AMOTL2: variants seen among roughly 807,000 people sequenced by gnomAD.
AMOTL2 encodes the protein angiomotin like 2, also known as angiomotin-like protein 2.
In AMOTL2, 33 loss-of-function variants were observed where a neutral mutation model predicts 78.4. The observed-to-expected ratio is 0.42, with a 90% CI of 0.32 to 0.56. The LOEUF (loss-of-function observed/expected upper bound fraction) is 0.56, where lower values mean the gene tolerates loss of function less well. Ranked by LOEUF, AMOTL2 falls within the 20% of genes least tolerant of loss-of-function variation. The pLI is 0.12. For missense variants in AMOTL2, 983 were observed against 1,030.1 expected (o/e 0.95, Z 0.63); for synonymous variants, 422 against 428.8 (o/e 0.98, Z 0.20).
rs1381186319 is a variant in AMOTL2, at chr3:134,357,619, G to T, written c.*86C>A. 3.0e-6 allele frequency: 4 copies of T among 1,344,192 alleles called. No homozygotes were observed. The highest frequency in any genetic ancestry group is 1.9e-4 in the Middle Eastern group (1 of 5,382). The allele number at this position is 1,344,192 out of a possible 1,614,324, so 83.3% of individuals were successfully genotyped here. On this transcript the variant is annotated 3_prime_UTR_variant, in exon 10 of 10. Transcript: ENST00000249883. Reference sequence around the variant, plus strand: ...TGGCTGGGGAAAGGGACGGAGCAGCGGTTGACGGGGCTGCTGAAATGGCTG... The same window carrying T: ...TGGCTGGGGAAAGGGACGGAGCAGCTGTTGACGGGGCTGCTGAAATGGCTG...
rs982669650 is a variant in AMOTL2, at chr3:134,355,697, T to C, written c.*2008A>G. ...CCCAGCCTTCAAGAAATGTTATCTA[T>C]GAAAGGGGAAAAATGCCAGCCACAT... On this transcript the variant is annotated 3_prime_UTR_variant, in exon 10 of 10. Transcript: ENST00000249883. Among the ~76,000 whole-genome samples the C allele has an allele frequency of 6.6e-6, 1 of 152,186 alleles. No individual in the cohort carries two copies.
At chr3:134,358,470 T>C (rs969833957) in intron 9 of AMOTL2, 70 bp downstream of exon 9, 2 of 1,523,452 alleles carry the variant, frequency 1.3e-6, no homozygotes, top group African/African-American at 1.4e-5. Context: ...GAAAAGGCCT[T>C]GTGTTCCAGT....
At chr3:134,367,333 A>G (rs2017652602) in intron 3 of AMOTL2, among the ~76,000 whole-genome samples, 164 bp downstream of exon 3, 1 of 152,196 alleles carries the variant, frequency 6.6e-6, no homozygotes, top group Non-Finnish European at 1.5e-5. Flanking sequence ...GAGTCAGCTC[A>G]GGAGGGTGCA....
intron 5 of AMOTL2, 143 bp from the exon 6 acceptor site, chr3:134,361,950 C>T (rs1395633694): frequency 2.6e-6 from 2 of 771,122 alleles, no homozygotes; most frequent in Admixed American, 5.9e-5. Context: ...CACTATTAAC[C>T]CTGTTTCATG....
At chr3:134,373,173 G>A (rs750900934) in intron 1 of AMOTL2, among the ~76,000 whole-genome samples, 1 of 152,098 alleles carries the variant, frequency 6.6e-6, no homozygotes, top group Non-Finnish European at 1.5e-5. Flanking sequence ...ACAACGAGGG[G>A]TAGATGTGCA....
At position 134,361,612 on chromosome 3, in the gene AMOTL2, G is replaced by A. The variant is rs764237309; in HGVS notation, c.1475C>T (p.Ala492Val). Reference protein sequence around the residue: ...YVEKVERLQQALGQLQAACEK... With the variant: ...YVEKVERLQQVLGQLQAACEK... ...ACAGGCTGCCTGCAGCTGCCCGAGC[G>A]CCTGCTGCAGCCGCTCCACTTTCTC... Residue 492 changes from alanine (A) to valine (V), a missense_variant, in exon 6 of 10, where the codon GCG (alanine) becomes GTG (valine). Coordinates refer to ENST00000249883, the MANE Select transcript of AMOTL2 (RefSeq NM_016201.4). 68 of 1,612,676 alleles carry A rather than the reference G, an allele frequency of 4.2e-5. 1 individual carries two copies. Among genetic ancestry groups the A allele is most frequent in the Non-Finnish European group, 5.4e-5 (64 of 1,179,940 alleles).
At position 134,370,709 on chromosome 3, in the gene AMOTL2, G is replaced by T; in HGVS notation, c.725C>A (p.Ala242Asp). Reference protein sequence around the residue: ...RARGSPHFQHAEVRILQAQVP... With the variant: ...RARGSPHFQHDEVRILQAQVP... The stretch of plus-strand genomic sequence containing the variant: ...AGGTGGGGAGAGTTACCTGACTTCA[G>T]CATGCTGGAAGTGCGGGCTGCCGCG... Residue 242 changes from alanine to aspartate, a missense_variant, in exon 2 of 10, where the codon GCT becomes GAT. Transcript: ENST00000249883. 6.6e-7 allele frequency: 1 copy of T among 1,509,944 alleles called. No homozygotes were observed. Among genetic ancestry groups the T allele is most frequent in the Non-Finnish European group, 8.9e-7 (1 of 1,129,426 alleles). The allele number at this position is 1,509,944 out of a possible 1,614,324, so 93.5% of individuals were successfully genotyped here. A position where few individuals can be genotyped will look rare whatever the true frequency, so the allele number is the denominator to read the frequency against.
At chr3:134,374,928 CGT>C, upstream of AMOTL2, 4 of 990,632 alleles carry the variant, frequency 4.0e-6, no homozygotes, top group Non-Finnish European at 3.7e-6. Context: ...TGTGTGTGTG[CGT>C]GTGTGTGTAC....
intron 9 of AMOTL2, among the ~76,000 whole-genome samples, chr3:134,358,002 C>T (rs2017147614): frequency 6.6e-6 from 1 of 152,160 alleles, no homozygotes; most frequent in African/African-American, 2.4e-5. Flanking sequence ...GGTTGGAGGG[C>T]TTAGAGAGAG....
At chr3:134,358,485 A>AC (rs1386785645) in intron 9 of AMOTL2, 55 bp downstream of exon 9, 2 of 1,558,062 alleles carry the variant, frequency 1.3e-6, no homozygotes, top group Non-Finnish European at 1.7e-6. Flanking sequence ...TCCAGTTCAC[A>AC]CCCCAGTGCC....
chr3:134,371,166 T>C lies in AMOTL2; in HGVS notation c.268A>G (p.Thr90Ala). The C allele has an allele frequency of 1.2e-6, 2 of 1,613,616 alleles. No homozygotes were observed. The highest frequency in any genetic ancestry group is 1.7e-6 in the Non-Finnish European group (2 of 1,179,884). ...QGGENHLAEN[T>A]LYRLCPQPSK... is the part of the protein sequence containing the mutation. ...GGCTGTGGGCATAGCCGGTAGAGGG[T>C]GTTCTCTGCCAGGTGGTTCTCACCG... is the stretch of plus-strand genomic sequence containing the variant. Residue 90 changes from threonine to alanine, a missense_variant, in exon 2 of 10, where the codon ACC becomes GCC. Coordinates refer to ENST00000249883, the MANE Select transcript of AMOTL2 (RefSeq NM_016201.4).
intron 3 of AMOTL2, 57 bp downstream of exon 3, chr3:134,367,439 AG>A: frequency 6.4e-7 from 1 of 1,574,132 alleles, no homozygotes; most frequent in Non-Finnish European, 8.6e-7. Context: ...CCCACTCCCC[AG>A]GTAGCCCCTC....
At chr3:134,369,833 G>A (rs149033434) in intron 2 of AMOTL2, among the ~76,000 whole-genome samples, 228 of 152,286 alleles carry the variant, frequency 1.5e-3, no homozygotes, top group African/African-American at 4.6e-3. Flanking sequence ...TGCTTCTCTG[G>A]AAAAGATGCT....
At chr3:134,373,759 A>T (rs1448775843) in intron 1 of AMOTL2, 3 of 985,352 alleles carry the variant, frequency 3.0e-6, no homozygotes, top group Middle Eastern at 5.2e-4. Context: ...GAGGTCTTTA[A>T]GCATCGCGGG....
rs533772652 is a variant in AMOTL2 at position 134,369,743 on chromosome 3, AAG to A, written c.734+955_734+956del. The stretch of plus-strand genomic sequence containing the variant: ...GACTTTGACCTTGGGCCACCAGAGG[AAG>A]AGTCTGAAATCCTTGGGGTCCCTTG... On this transcript the variant is annotated intron_variant, in intron 2 of 9. Coordinates refer to ENST00000249883, the MANE Select transcript of AMOTL2 (RefSeq NM_016201.4). Among the ~76,000 whole-genome samples the A allele has an allele frequency of 1.9e-4, 29 of 152,326 alleles. No homozygotes were observed. In the South Asian group the frequency reaches 5.8e-3, roughly 30 times the overall value.
At chr3:134,370,184 A>G (rs2017788007) in intron 2 of AMOTL2, among the ~76,000 whole-genome samples, 1 of 152,214 alleles carries the variant, frequency 6.6e-6, no homozygotes, top group South Asian at 2.1e-4. Context: ...AGAGACAAGT[A>G]AGCTCCTGCC....
upstream of AMOTL2, chr3:134,374,906 T>G (rs2018032525): frequency 3.3e-6 from 4 of 1,203,490 alleles, no homozygotes; most frequent in South Asian, 1.8e-5. Flanking sequence ...TCCGGCTGTG[T>G]GTGTGTGTGT....
upstream of AMOTL2, chr3:134,374,924 TGTGC>T (rs768532543): frequency 0.09 from 84,149 of 933,264 alleles, 2,068 homozygotes; most frequent in East Asian, 0.32. Context: ...TGTGTGTGTG[TGTGC>T]GTGTGTGTGT....
chr3:134,363,443 C>G lies in AMOTL2; in HGVS notation c.1280-1636G>C, dbSNP rs139246745. Among the ~76,000 whole-genome samples, 332 of 152,352 alleles carry G rather than the reference C, an allele frequency of 2.2e-3. 2 individuals are homozygous for G. The highest frequency in any genetic ancestry group is 7.0e-3 in the African/African-American group (292 of 41,576). On this transcript the variant is annotated intron_variant, in intron 5 of 9. Transcript: ENST00000249883. ...CAGGGAGGACCCTCCCCTAGTCCACCTGTGCGTTCAGTTTGCCCAGGGCCT... is the reference window on the plus strand; with the variant it reads ...CAGGGAGGACCCTCCCCTAGTCCACGTGTGCGTTCAGTTTGCCCAGGGCCT...
Sources: gnomAD v4.1 joint callset for allele counts (sites outside exome capture counted in the v4.1 genomes callset) on GRCh38, gnomAD v4.1.1 for gene constraint, MANE v1.5 for transcripts, NCBI Gene and HGNC (gene_info 2026-07-23, HGNC 2026-07-21) for gene names.